RGS7: variants seen among roughly 807,000 people sequenced by gnomAD.
RGS7 encodes regulator of G protein signaling 7.
In RGS7, 27 loss-of-function variants were observed where a neutral mutation model predicts 81.1. The ratio of observed to expected loss-of-function variants is 0.33; its 90% CI spans 0.25 to 0.46. The LOEUF (loss-of-function observed/expected upper bound fraction) is 0.46, where lower values mean the gene tolerates loss of function less well. RGS7 is among the 20% of genes least tolerant of loss of function. The pLI is 1.00. For missense variants in RGS7, 396 were observed against 607.4 expected (o/e 0.65, Z 3.66); for synonymous variants, 208 against 207.7 (o/e 1.00, Z -0.01).
intron 2 of RGS7, among the ~76,000 whole-genome samples, chr1:241,260,933 G>A (rs190641266): frequency 2.7e-5 from 3 of 111,766 alleles, no homozygotes; most frequent in African/African-American, 1.0e-4. Context: ...GGGGTGGGGG[G>A]AGGGGGAAGG....
chr1:240,893,213 G>A (rs919319246), intron 6 of RGS7, among the ~76,000 whole-genome samples: 2 of 152,138 alleles, frequency 1.3e-5, no homozygotes, highest in Admixed American at 1.3e-4. Flanking sequence ...TACGGTTGTT[G>A]AGTCTTAAAG....
chr1:241,158,630 C>T (rs1435688232), intron 2 of RGS7, among the ~76,000 whole-genome samples: 1 of 152,126 alleles, frequency 6.6e-6, no homozygotes, highest in Non-Finnish European at 1.5e-5. Context: ...AGAAGATATG[C>T]CAGCAATGAT....
At chr1:240,971,610 TA>T (rs1361911250) in intron 4 of RGS7, among the ~76,000 whole-genome samples, 3 of 152,186 alleles carry the variant, frequency 2.0e-5, no homozygotes, top group Non-Finnish European at 2.9e-5. Flanking sequence ...ATTTATAATA[TA>T]AAATGCACGT....
chr1:240,947,144 T>C (rs1039836575), intron 4 of RGS7, among the ~76,000 whole-genome samples: 1 of 152,214 alleles, frequency 6.6e-6, no homozygotes, highest in African/African-American at 2.4e-5. Flanking sequence ...TACTGCATTA[T>C]ATGGGGCAAT....
intron 2 of RGS7, among the ~76,000 whole-genome samples, chr1:241,100,254 A>G (rs964103285): frequency 1.3e-5 from 2 of 151,976 alleles, no homozygotes; most frequent in East Asian, 3.9e-4. Flanking sequence ...AGGCGCCTGT[A>G]GTCCCAGGTA....
intron 2 of RGS7, among the ~76,000 whole-genome samples, chr1:241,146,498 T>C (rs902897409): frequency 6.6e-6 from 1 of 152,116 alleles, no homozygotes; most frequent in African/African-American, 2.4e-5. Flanking sequence ...AGCCACACGA[T>C]TGTTCCCCTA....
intron 3 of RGS7, among the ~76,000 whole-genome samples, chr1:241,028,019 GGAGAGAAACGT>G (rs1198793638): frequency 6.6e-6 from 1 of 152,216 alleles, no homozygotes; most frequent in Non-Finnish European, 1.5e-5. Flanking sequence ...TGGAACCACT[GGAGAGAAACGT>G]GTATCAGCTC....
At chr1:241,159,496 A>T (rs1186150240) in intron 2 of RGS7, among the ~76,000 whole-genome samples, 3 of 149,854 alleles carry the variant, frequency 2.0e-5, no homozygotes, top group African/African-American at 7.6e-5. Context: ...CCTTCCTTCC[A>T]TCCATCCATC....
chr1:240,888,708 T>A (rs1667780394), intron 6 of RGS7, among the ~76,000 whole-genome samples: 1 of 152,164 alleles, frequency 6.6e-6, no homozygotes, highest in Admixed American at 6.5e-5. Flanking sequence ...TGCTATCAAC[T>A]TTCCCATTTT....
At chr1:240,918,825 C>G in intron 6 of RGS7, among the ~76,000 whole-genome samples, 1 of 151,564 alleles carries the variant, frequency 6.6e-6, no homozygotes, top group Non-Finnish European at 1.5e-5. Flanking sequence ...TATTGATGAG[C>G]CTCTAGCCAG....
chr1:240,830,281 T>C (rs960785764), intron 9 of RGS7, among the ~76,000 whole-genome samples: 5 of 152,166 alleles, frequency 3.3e-5, no homozygotes, highest in African/African-American at 1.2e-4. Context: ...GAGCCTGAAG[T>C]TGGGACAAAG....
intron 2 of RGS7, among the ~76,000 whole-genome samples, chr1:241,231,825 T>C (rs2075677847): frequency 6.6e-6 from 1 of 152,238 alleles, no homozygotes; most frequent in Non-Finnish European, 1.5e-5. Context: ...AGGTTTTAAT[T>C]TTGACAAAGT....
At chr1:240,856,841 T>C (rs1661222060) in intron 9 of RGS7, among the ~76,000 whole-genome samples, 2 of 152,332 alleles carry the variant, frequency 1.3e-5, no homozygotes, top group Non-Finnish European at 2.9e-5. Flanking sequence ...GTGTGATTTT[T>C]CAGAGAAAAA....
chr1:241,043,684 GAT>G (rs1460417425), intron 3 of RGS7, among the ~76,000 whole-genome samples: 2 of 148,220 alleles, frequency 1.3e-5, no homozygotes, highest in Non-Finnish European at 3.0e-5. Flanking sequence ...TCTATATATA[GAT>G]ATGAGAAAAA....
chr1:241,316,638 A>C (rs941794444), intron 2 of RGS7, among the ~76,000 whole-genome samples: 5 of 152,164 alleles, frequency 3.3e-5, no homozygotes, highest in African/African-American at 1.2e-4. Flanking sequence ...GATCCTTTTA[A>C]TGACCTGGTG....
intron 2 of RGS7, among the ~76,000 whole-genome samples, chr1:241,279,615 T>G (rs2078395782): frequency 6.6e-6 from 1 of 152,194 alleles, no homozygotes; most frequent in African/African-American, 2.4e-5. Flanking sequence ...TAGTAAAATA[T>G]CACAACCAGG....
In RGS7 at chr1:240,940,589, G is replaced by T. The variant is rs139932292; in HGVS notation, c.227-3883C>A. Among the ~76,000 whole-genome samples, 411 of 152,180 alleles carry T rather than the reference G, an allele frequency of 2.7e-3. 3 individuals carry two copies. The highest frequency in any genetic ancestry group is 5.2e-3 in the Admixed American group (80 of 15,284). ...TTTCCCGGAAGAAAAATTAAGTTAC[G>T]GCACATAAGGAAATCTGCGGAGTAT... On this transcript the variant is annotated intron_variant, in intron 4 of 18. Coordinates refer to ENST00000440928, the MANE Select transcript of RGS7 (RefSeq NM_001364886.1).
At chr1:241,035,533 T>C (rs748356147) in intron 3 of RGS7, among the ~76,000 whole-genome samples, 4 of 152,108 alleles carry the variant, frequency 2.6e-5, no homozygotes, top group Non-Finnish European at 4.4e-5. Context: ...TCTCTCAGAG[T>C]GGCTGAGAAT....
At chr1:241,063,701 T>C (rs1239617357) in intron 3 of RGS7, among the ~76,000 whole-genome samples, 1 of 152,216 alleles carries the variant, frequency 6.6e-6, no homozygotes, top group African/African-American at 2.4e-5. Context: ...CATCCATCCA[T>C]TTGGCTAACA....
Sources: allele counts gnomAD v4.1 joint callset (sites outside exome capture counted in the v4.1 genomes callset), GRCh38; gene constraint gnomAD v4.1.1; transcripts MANE v1.5; gene names NCBI Gene and HGNC (gene_info 2026-07-23, HGNC 2026-07-21).